Variants in NR3C2 observed in about 807,000 individuals in gnomAD.
The protein encoded by NR3C2 is nuclear receptor subfamily 3 group C member 2.
In NR3C2, 15 loss-of-function variants were observed where a neutral mutation model predicts 86.4. The observed-to-expected ratio is 0.17, with a 90% CI of 0.12 to 0.27. The LOEUF (loss-of-function observed/expected upper bound fraction) is 0.27. Ranked by LOEUF, NR3C2 falls within the 10% of genes least tolerant of loss-of-function variation. The pLI is 1.00. For synonymous variants in NR3C2, 458 were observed against 450.5 expected (o/e 1.02, Z -0.21); for missense variants, 960 against 1,195.6 (o/e 0.80, Z 2.91).
At chr4:148,417,198 T>G (rs1749055761) in intron 2 of NR3C2, among the ~76,000 whole-genome samples, 1 of 152,194 alleles carries the variant, frequency 6.6e-6, no homozygotes, top group Non-Finnish European at 1.5e-5. Flanking sequence ...GATATCAACC[T>G]ACTCATCATT....
At chr4:148,388,915 C>T (rs1747402203) in intron 2 of NR3C2, among the ~76,000 whole-genome samples, 1 of 152,164 alleles carries the variant, frequency 6.6e-6, no homozygotes, top group African/African-American at 2.4e-5. Context: ...TGGAAAGGGA[C>T]AAATGCTCTC....
rs1730534011 is a variant in NR3C2, at chr4:148,081,126, G to A, written c.*218C>T. On this transcript the variant is annotated 3_prime_UTR_variant, in exon 9 of 9. Transcript: ENST00000358102. ...AGGAACATGTTTCTAAGCGCTGGGG[G>A]ATTGGAGGTGGGGAATCCTTCAGAC... is the stretch of plus-strand genomic sequence containing the variant. 5 of 594,736 alleles carry A rather than the reference G, an allele frequency of 8.4e-6. No homozygotes were observed. Among genetic ancestry groups the A allele is most frequent in the Non-Finnish European group, 1.5e-5 (5 of 327,934 alleles). 36.8% of individuals were successfully genotyped at this position (594,736 alleles called of 1,614,324 possible).
At chr4:148,319,431 G>T (rs1328742841) in intron 2 of NR3C2, among the ~76,000 whole-genome samples, 9 of 152,034 alleles carry the variant, frequency 5.9e-5, no homozygotes, top group African/African-American at 2.2e-4. Flanking sequence ...TTGGTAGCTT[G>T]ATGGGGATGG....
chr4:148,214,767 G>A (rs769549998), intron 3 of NR3C2, among the ~76,000 whole-genome samples: 3 of 152,194 alleles, frequency 2.0e-5, no homozygotes, highest in Admixed American at 6.5e-5. Flanking sequence ...TGCAGGCTCC[G>A]TGTTGCCAGA....
At chr4:148,092,729 C>G (rs1249680138) in intron 8 of NR3C2, among the ~76,000 whole-genome samples, 4 of 152,188 alleles carry the variant, frequency 2.6e-5, no homozygotes, top group African/African-American at 9.7e-5. Context: ...TTTCCTTCAG[C>G]CTGTTTATGC....
At chr4:148,334,497 G>A (rs1385887738) in intron 2 of NR3C2, among the ~76,000 whole-genome samples, 1 of 152,122 alleles carries the variant, frequency 6.6e-6, no homozygotes, top group African/African-American at 2.4e-5. Flanking sequence ...AGCGGAGATC[G>A]CGCCACTGCA....
chr4:148,197,101 G>A (rs1293371841), intron 3 of NR3C2, among the ~76,000 whole-genome samples: 1 of 152,186 alleles, frequency 6.6e-6, no homozygotes, highest in African/African-American at 2.4e-5. Flanking sequence ...TAGGAAGTCT[G>A]ATAACATTGC....
chr4:148,337,244 C>T (rs1744539381), intron 2 of NR3C2, among the ~76,000 whole-genome samples: 1 of 152,198 alleles, frequency 6.6e-6, no homozygotes, highest in African/African-American at 2.4e-5. Context: ...GCTGTTTCCT[C>T]TTTTTCAGTG....
intron 2 of NR3C2, among the ~76,000 whole-genome samples, chr4:148,342,627 C>T (rs1326499914): frequency 6.6e-6 from 1 of 152,148 alleles, no homozygotes; most frequent in Admixed American, 6.5e-5. Context: ...CATATCTGAA[C>T]CTGCTGTGGG....
chr4:148,183,700 GC>G (rs1248149581), intron 4 of NR3C2, among the ~76,000 whole-genome samples: 2 of 152,154 alleles, frequency 1.3e-5, no homozygotes, highest in African/African-American at 4.8e-5. Context: ...TCAGCAGAGT[GC>G]TCAGAGCACA....
intron 3 of NR3C2, among the ~76,000 whole-genome samples, chr4:148,213,681 T>C (rs1737391667): frequency 6.6e-6 from 1 of 152,028 alleles, no homozygotes; most frequent in African/African-American, 2.4e-5. Flanking sequence ...ATTATTTAAA[T>C]TGAATTCTGA....
intron 2 of NR3C2, among the ~76,000 whole-genome samples, chr4:148,392,420 T>C (rs1372521691): frequency 2.6e-5 from 4 of 152,240 alleles, no homozygotes; most frequent in Non-Finnish European, 2.9e-5. Context: ...GTAAGCAAGA[T>C]TGAAGTTGTG....
chr4:148,264,520 G>T (rs1301753170), intron 2 of NR3C2, among the ~76,000 whole-genome samples: 1 of 152,072 alleles, frequency 6.6e-6, no homozygotes, highest in Non-Finnish European at 1.5e-5. Context: ...CCAAACTGAG[G>T]GCCAAACATG....
intron 3 of NR3C2, among the ~76,000 whole-genome samples, chr4:148,201,780 C>G (rs1265857217): frequency 6.6e-6 from 1 of 152,100 alleles, no homozygotes; most frequent in East Asian, 1.9e-4. Context: ...TCTATGACAT[C>G]TACAGATCCA....
At chr4:148,302,685 C>A (rs1440422129) in intron 2 of NR3C2, among the ~76,000 whole-genome samples, 4 of 151,918 alleles carry the variant, frequency 2.6e-5, no homozygotes, top group Non-Finnish European at 5.9e-5. Context: ...TCTACACAGT[C>A]CCCATAGGGT....
At chr4:148,278,905 G>C (rs897727317) in intron 2 of NR3C2, among the ~76,000 whole-genome samples, 1 of 151,834 alleles carries the variant, frequency 6.6e-6, no homozygotes, top group Non-Finnish European at 1.5e-5. Flanking sequence ...GCTCATACCT[G>C]TAATCCCAGC....
intron 3 of NR3C2, among the ~76,000 whole-genome samples, chr4:148,225,282 G>A (rs1479204858): frequency 1.3e-5 from 2 of 152,086 alleles, no homozygotes; most frequent in Admixed American, 6.5e-5. Flanking sequence ...ATTTGACGGC[G>A]CTTTCTGCTG....
chr4:148,283,697 C>T (rs1399694182), intron 2 of NR3C2, among the ~76,000 whole-genome samples: 1 of 152,168 alleles, frequency 6.6e-6, no homozygotes, highest in East Asian at 1.9e-4. Context: ...AAGAAAAGTG[C>T]TAAAAATTAT....
intron 2 of NR3C2, among the ~76,000 whole-genome samples, chr4:148,357,851 G>T (rs779693309): frequency 6.6e-6 from 1 of 152,038 alleles, no homozygotes; most frequent in East Asian, 1.9e-4. Context: ...GATGAGGAGG[G>T]TTAAAAAAAA....
Sources: gnomAD v4.1 joint callset for allele counts (sites outside exome capture counted in the v4.1 genomes callset) on GRCh38, gnomAD v4.1.1 for gene constraint, MANE v1.5 for transcripts, NCBI Gene and HGNC (gene_info 2026-07-23, HGNC 2026-07-21) for gene names.